KIAA1958: variants seen among roughly 807,000 people sequenced by gnomAD.
KIAA1958 encodes KIAA1958, also known as uncharacterized protein KIAA1958.
KIAA1958 carries 14 observed loss-of-function variants against 47.2 expected under a neutral mutation model. The observed-to-expected ratio is 0.30, with a 90% CI of 0.20 to 0.46. The LOEUF (loss-of-function observed/expected upper bound fraction) is 0.46. KIAA1958 is among the 20% of genes least tolerant of loss of function. The pLI is 1.00. For synonymous variants in KIAA1958, 354 were observed against 353.3 expected, an observed-to-expected ratio of 1.00 and a Z score of -0.02; for missense variants, 803 against 909.2, an observed-to-expected ratio of 0.88 and a Z score of 1.50.
intron 2 of KIAA1958, among the ~76,000 whole-genome samples, chr9:112,638,022 G>C (rs527941870): frequency 6.6e-6 from 1 of 152,194 alleles, no homozygotes; most frequent in African/African-American, 2.4e-5. Flanking sequence ...GGTGCTGCCT[G>C]CCTGTGATTC....
chr9:112,567,406 GTTC>G (rs932568004), intron 1 of KIAA1958, among the ~76,000 whole-genome samples: 16 of 152,262 alleles, frequency 1.1e-4, no homozygotes, highest in African/African-American at 3.4e-4. Flanking sequence ...CCATTCTTAA[GTTC>G]TTCTTTATGC....
At chr9:112,563,085 C>CTCTCTCTCTATATA (rs10655286) in intron 1 of KIAA1958, among the ~76,000 whole-genome samples, 1 of 131,560 alleles carries the variant, frequency 7.6e-6, no homozygotes, top group Admixed American at 7.8e-5. Flanking sequence ...CTCTCTCTCT[C>CTCTCTCTCTATATA]TATATATATA....
intron 1 of KIAA1958, among the ~76,000 whole-genome samples, chr9:112,563,729 C>T (rs545878647): frequency 3.3e-5 from 5 of 151,786 alleles, no homozygotes; most frequent in East Asian, 1.9e-4. Context: ...TCCTCACCCC[C>T]GACTATATTA....
rs779160258 is a variant in KIAA1958 at position 112,665,969 on chromosome 9, A to G, written c.*5900A>G. The G allele has an allele frequency of 1.3e-5, 2 of 151,532 alleles. No individual in the cohort carries two copies. Among genetic ancestry groups the G allele is most frequent in the Non-Finnish European group, 2.9e-5 (2 of 67,976 alleles). The allele number at this position is 151,532 out of a possible 1,614,324, so 9.4% of individuals were successfully genotyped here. A position where few individuals can be genotyped will look rare whatever the true frequency, so the allele number is the denominator to read the frequency against. On this transcript the variant is annotated 3_prime_UTR_variant, in exon 4 of 4. Coordinates refer to ENST00000337530, the MANE Select transcript of KIAA1958 (RefSeq NM_133465.4). The stretch of plus-strand genomic sequence containing the variant: ...ATTTTTATAATCTGTAGGCTATAGC[A>G]CTGTCATAGAAAAATATACCTTTTT...
At chr9:112,622,169 G>A (rs1336454232) in intron 2 of KIAA1958, among the ~76,000 whole-genome samples, 2 of 152,216 alleles carry the variant, frequency 1.3e-5, no homozygotes, top group African/African-American at 2.4e-5. Context: ...TGTGGCAGAG[G>A]CAGATGTCAA....
At chr9:112,558,607 T>G (rs1835280983) in intron 1 of KIAA1958, among the ~76,000 whole-genome samples, 1 of 152,228 alleles carries the variant, frequency 6.6e-6, no homozygotes, top group Non-Finnish European at 1.5e-5. Flanking sequence ...GTTAAGCCTA[T>G]TTCAGAGTTT....
chr9:112,608,103 A>G (rs978846490), intron 2 of KIAA1958, among the ~76,000 whole-genome samples: 1 of 152,230 alleles, frequency 6.6e-6, no homozygotes, highest in Non-Finnish European at 1.5e-5. Flanking sequence ...TTTAATTACA[A>G]GACTGAGACC....
Position 112,660,071 on chromosome 9 carries a change from C to T in KIAA1958, c.*2C>T, listed in dbSNP as rs1439354558. On this transcript the variant is annotated 3_prime_UTR_variant, in exon 4 of 4. Coordinates refer to ENST00000337530, the MANE Select transcript of KIAA1958 (RefSeq NM_133465.4). ...GGCTCCCACAGCTGCTGCCAGTGAG[C>T]CCCCACTGGGGCCCGGCCACTGCCC... is the stretch of plus-strand genomic sequence containing the variant. 6.2e-7 allele frequency: 1 copy of T among 1,610,786 alleles called. No homozygotes were observed. The highest frequency in any genetic ancestry group is 1.3e-5 in the African/African-American group (1 of 74,994).
intron 1 of KIAA1958, among the ~76,000 whole-genome samples, chr9:112,543,866 T>A (rs1183934022): frequency 6.6e-6 from 1 of 152,206 alleles, no homozygotes; most frequent in Admixed American, 6.5e-5. Flanking sequence ...AATACCCATG[T>A]CCAATTTATA....
At chr9:112,505,328 C>G (rs1016095502) in intron 1 of KIAA1958, among the ~76,000 whole-genome samples, 7 of 152,194 alleles carry the variant, frequency 4.6e-5, no homozygotes, top group African/African-American at 1.7e-4. Flanking sequence ...TAGTACATAA[C>G]TTCTCAGTGC....
At chr9:112,522,953 G>C (rs1409114528) in intron 1 of KIAA1958, among the ~76,000 whole-genome samples, 2 of 152,192 alleles carry the variant, frequency 1.3e-5, no homozygotes, top group Non-Finnish European at 2.9e-5. Context: ...ATTGCTTTTA[G>C]AATGGATAGT....
intron 2 of KIAA1958, among the ~76,000 whole-genome samples, chr9:112,607,178 G>A (rs1356064636): frequency 1.3e-5 from 2 of 151,916 alleles, no homozygotes; most frequent in Admixed American, 6.6e-5. Context: ...CCAATATGGC[G>A]AAACCCCATC....
intron 1 of KIAA1958, among the ~76,000 whole-genome samples, chr9:112,493,944 T>A (rs1052037593): frequency 6.6e-6 from 1 of 152,230 alleles, no homozygotes; most frequent in Non-Finnish European, 1.5e-5. Context: ...TACTTAACTG[T>A]GCCATTGCAT....
intron 3 of KIAA1958, among the ~76,000 whole-genome samples, chr9:112,656,420 GTT>G (rs1837152368): frequency 6.8e-6 from 1 of 148,008 alleles, no homozygotes; most frequent in East Asian, 2.0e-4. Context: ...GGGATACCTG[GTT>G]ACACAGGCAG....
At chr9:112,498,331 C>G (rs1386566300) in intron 1 of KIAA1958, among the ~76,000 whole-genome samples, 1 of 152,142 alleles carries the variant, frequency 6.6e-6, no homozygotes, top group Non-Finnish European at 1.5e-5. Context: ...GAATCCTTTT[C>G]TAGCATCTGG....
At chr9:112,568,522 TC>T (rs1835468918) in intron 1 of KIAA1958, among the ~76,000 whole-genome samples, 1 of 152,102 alleles carries the variant, frequency 6.6e-6, no homozygotes, top group African/African-American at 2.4e-5. Flanking sequence ...CTGTAAGTCT[TC>T]CCGATGTTTA....
chr9:112,543,112 A>G (rs1358320120), intron 1 of KIAA1958, among the ~76,000 whole-genome samples: 1 of 152,230 alleles, frequency 6.6e-6, no homozygotes, highest in African/African-American at 2.4e-5. Flanking sequence ...AGCATTCTTC[A>G]TGACCTGGAT....
At chr9:112,646,086 GGT>G (rs1491206980) in intron 3 of KIAA1958, among the ~76,000 whole-genome samples, 3 of 68,408 alleles carry the variant, frequency 4.4e-5, no homozygotes, top group Non-Finnish European at 9.5e-5. Context: ...ATATTTAAGT[GGT>G]TTTTTTTTTT....
intron 2 of KIAA1958, among the ~76,000 whole-genome samples, chr9:112,582,788 C>T (rs1040233944): frequency 2.0e-5 from 3 of 151,884 alleles, no homozygotes; most frequent in African/African-American, 7.3e-5. Context: ...TGTTCAGTAC[C>T]CACTAGTTCT....
Sources: gnomAD v4.1 joint callset for allele counts (sites outside exome capture counted in the v4.1 genomes callset) on GRCh38, gnomAD v4.1.1 for gene constraint, MANE v1.5 for transcripts, NCBI Gene and HGNC (gene_info 2026-07-23, HGNC 2026-07-21) for gene names.